The following SMG6 variants were observed in gnomAD, a reference collection of about 807,000 sequenced individuals.
SMG6 encodes the protein telomerase-binding protein EST1A.
In SMG6, 66 loss-of-function variants were observed where a neutral mutation model predicts 142.2. The observed-to-expected ratio is 0.46, with a 90% CI of 0.38 to 0.57. The LOEUF (loss-of-function observed/expected upper bound fraction) is 0.57. Among genes scored for constraint, SMG6 ranks in the 20% least tolerant of loss-of-function variants. The pLI is 0.00. For synonymous variants in SMG6, 779 were observed against 702.4 expected, an observed-to-expected ratio of 1.11 and a Z score of -1.72; for missense variants, 1,793 against 1,832.0, an observed-to-expected ratio of 0.98 and a Z score of 0.39.
At chr17:2,242,123 C>T (rs112467326) in intron 9 of SMG6, among the ~76,000 whole-genome samples, 57 of 151,154 alleles carry the variant, frequency 3.8e-4, no homozygotes, top group African/African-American at 9.7e-4. Flanking sequence ...CAACATGGTA[C>T]GGGAAAATTT....
chr17:2,168,473 A>C (rs1300694194), intron 13 of SMG6, among the ~76,000 whole-genome samples: 1 of 152,172 alleles, frequency 6.6e-6, no homozygotes, highest in Non-Finnish European at 1.5e-5. Flanking sequence ...GTGAGCCATC[A>C]CGCTAGGTCT....
chr17:2,263,411 A>C (rs1292826348), intron 8 of SMG6, among the ~76,000 whole-genome samples: 1 of 152,238 alleles, frequency 6.6e-6, no homozygotes, highest in Non-Finnish European at 1.5e-5. Flanking sequence ...ACCTAGTTAC[A>C]TAGCTCTCTG....
chr17:2,169,804 C>G (rs1332031972), intron 13 of SMG6, among the ~76,000 whole-genome samples: 2 of 152,014 alleles, frequency 1.3e-5, no homozygotes, highest in South Asian at 2.1e-4. Context: ...AGGTTTTGAA[C>G]TAAGAAATGA....
chr17:2,288,842 G>A (rs932441755), intron 6 of SMG6, among the ~76,000 whole-genome samples: 2 of 152,006 alleles, frequency 1.3e-5, no homozygotes, highest in Admixed American at 1.3e-4. Context: ...CACTTTGGGA[G>A]GCTGAGGTGG....
At chr17:2,246,591 T>C (rs967953979) in intron 8 of SMG6, among the ~76,000 whole-genome samples, 11 of 152,222 alleles carry the variant, frequency 7.2e-5, no homozygotes, top group African/African-American at 2.4e-4. Flanking sequence ...GAATATTTCA[T>C]TGAAGATAAC....
intron 10 of SMG6, among the ~76,000 whole-genome samples, chr17:2,205,627 T>C (rs1233390910): frequency 6.6e-6 from 1 of 152,110 alleles, no homozygotes; most frequent in East Asian, 1.9e-4. Flanking sequence ...GAAACACCAA[T>C]AACTGTATAG....
At chr17:2,183,060 T>G (rs1461910761) in intron 12 of SMG6, among the ~76,000 whole-genome samples, 1 of 151,972 alleles carries the variant, frequency 6.6e-6, no homozygotes, top group Non-Finnish European at 1.5e-5. Context: ...CCCATCTCTA[T>G]TTAAAAAATA....
chr17:2,254,631 G>A (rs7406247), intron 8 of SMG6, among the ~76,000 whole-genome samples: 87,707 of 152,008 alleles, frequency 0.58, 26,475 homozygotes, highest in East Asian at 0.75. Flanking sequence ...TACCGTGCTC[G>A]GCCATCAAAC....
At chr17:2,108,617 C>T (rs533157342) in intron 13 of SMG6, among the ~76,000 whole-genome samples, 4 of 151,970 alleles carry the variant, frequency 2.6e-5, no homozygotes, top group South Asian at 4.2e-4. Flanking sequence ...GGCCACAAAG[C>T]GAGACTCTGT....
chr17:2,074,911 T>C (rs1597342022), intron 15 of SMG6, among the ~76,000 whole-genome samples: 1 of 152,276 alleles, frequency 6.6e-6, no homozygotes, highest in Non-Finnish European at 1.5e-5. Context: ...CCTGAGGGCG[T>C]TTCAGACAGT....
chr17:2,170,262 G>A (rs2071462510), intron 13 of SMG6, among the ~76,000 whole-genome samples: 1 of 152,210 alleles, frequency 6.6e-6, no homozygotes, highest in Non-Finnish European at 1.5e-5. Context: ...GGGCTGGTCT[G>A]CTGGCTCTGT....
At chr17:2,118,706 G>A (rs981983857) in intron 13 of SMG6, among the ~76,000 whole-genome samples, 3 of 150,562 alleles carry the variant, frequency 2.0e-5, no homozygotes, top group Admixed American at 1.3e-4. Context: ...TGCCGTGCAC[G>A]GCTGCAAGTA....
chr17:2,205,670 T>C (rs1470628680), intron 10 of SMG6, among the ~76,000 whole-genome samples: 2 of 152,172 alleles, frequency 1.3e-5, no homozygotes, highest in Admixed American at 6.5e-5. Context: ...AGTATATCAA[T>C]TCTTCAGGAA....
intron 8 of SMG6, among the ~76,000 whole-genome samples, chr17:2,269,792 A>T (rs1219564521): frequency 1.3e-5 from 2 of 152,218 alleles, no homozygotes; most frequent in Non-Finnish European, 2.9e-5. Context: ...TATCACTGTC[A>T]TCATCTTACA....
intron 13 of SMG6, among the ~76,000 whole-genome samples, chr17:2,133,138 G>A (rs1319909561): frequency 6.6e-6 from 1 of 152,054 alleles, no homozygotes; most frequent in African/African-American, 2.4e-5. Context: ...CCAGATACTC[G>A]GGAGGCTGAG....
intron 13 of SMG6, among the ~76,000 whole-genome samples, chr17:2,135,043 C>T (rs1296373671): frequency 6.6e-6 from 1 of 152,136 alleles, no homozygotes; most frequent in African/African-American, 2.4e-5. Flanking sequence ...CCATGCCTGG[C>T]TAATTTTTGT....
chr17:2,210,499 T>C (rs1252971669), intron 10 of SMG6, among the ~76,000 whole-genome samples: 1 of 151,246 alleles, frequency 6.6e-6, no homozygotes, highest in Non-Finnish European at 1.5e-5. Flanking sequence ...TGGGCCAAAG[T>C]TCATGAAAAA....
chr17:2,165,560 T>G (rs1480449208), intron 13 of SMG6, among the ~76,000 whole-genome samples: 1 of 152,234 alleles, frequency 6.6e-6, no homozygotes, highest in Non-Finnish European at 1.5e-5. Context: ...CTTTGGATTT[T>G]AGAGTCTTTT....
intron 13 of SMG6, among the ~76,000 whole-genome samples, chr17:2,109,635 T>C (rs1388542658): frequency 2.0e-5 from 3 of 152,196 alleles, no homozygotes; most frequent in Non-Finnish European, 4.4e-5. Flanking sequence ...ATCCAATAAC[T>C]ACGTGCTGCT....
Sources: allele counts gnomAD v4.1 joint callset (sites outside exome capture counted in the v4.1 genomes callset), GRCh38; gene constraint gnomAD v4.1.1; transcripts MANE v1.5; gene names NCBI Gene and HGNC (gene_info 2026-07-23, HGNC 2026-07-21).